Variants in TTC6 observed in about 807,000 individuals in gnomAD.
The protein encoded by TTC6 is tetratricopeptide repeat protein 6.
TTC6 carries 172 observed loss-of-function variants against 210.4 expected under a neutral mutation model. That is an observed-to-expected ratio of 0.82 (90% CI 0.72 to 0.93). The LOEUF (loss-of-function observed/expected upper bound fraction) is 0.93. Ranked by LOEUF, TTC6 falls within the 40% of genes least tolerant of loss-of-function variation. The pLI, the probability that TTC6 is intolerant of heterozygous loss-of-function variation, is 0.00. For missense variants in TTC6, 2,414 were observed against 2,318.1 expected, an observed-to-expected ratio of 1.04 and a Z score of -0.85; for synonymous variants, 804 against 819.6, an observed-to-expected ratio of 0.98 and a Z score of 0.32.
chr14:37,812,133 C>A (rs1214471277), intron 24 of TTC6, among the ~76,000 whole-genome samples, 181 bp from the exon 27 acceptor site: 1 of 152,116 alleles, frequency 6.6e-6, no homozygotes, highest in Admixed American at 6.5e-5. Context: ...TATCAAGGTC[C>A]ATCATACATT....
chr14:37,637,589 C>G (rs539578435), intron 1 of TTC6, among the ~76,000 whole-genome samples: 1 of 152,006 alleles, frequency 6.6e-6, no homozygotes. Flanking sequence ...GAGCTATGAT[C>G]GTGCCACTGC....
intron 10 of TTC6, among the ~76,000 whole-genome samples, chr14:37,740,254 A>G (rs2095915057): frequency 6.6e-6 from 1 of 152,148 alleles, no homozygotes; most frequent in South Asian, 2.1e-4. Flanking sequence ...CTTGAAAGTA[A>G]TAGTAGCCAG....
At position 37,648,011 on chromosome 14, in the gene TTC6, A is replaced by AAC. The variant is rs760462295; in HGVS notation, c.939+25023_939+25024dup. Among the ~76,000 whole-genome samples the AAC allele has an allele frequency of 3.3e-4, 50 of 151,318 alleles. 1 individual carries two copies. The highest frequency in any genetic ancestry group is 1.7e-3 in the Admixed American group (25 of 15,150). ...ATAGCGTTATAACTATAATATTACA[A>AAC]ACACACACACACACACGTTCACACC... On this transcript the variant is annotated intron_variant, in intron 1 of 30. Transcript: ENST00000553443.
At chr14:37,772,279 G>A (rs920051917) in intron 14 of TTC6, 2 of 153,908 alleles carry the variant, frequency 1.3e-5, no homozygotes, top group African/African-American at 4.8e-5. Context: ...CCTGCCCCCA[G>A]AGGTGGAGCC....
At chr14:37,748,848 ATAG>A (rs769440443) in intron 10 of TTC6, 88 bp from the exon 13 acceptor site, 10 of 1,008,154 alleles carry the variant, frequency 9.9e-6, no homozygotes, top group Non-Finnish European at 1.4e-5. Context: ...TTGATAACAA[ATAG>A]TAGTTTTATG....
chr14:37,713,184 A>G (rs1263632423), intron 5 of TTC6, among the ~76,000 whole-genome samples: 2 of 152,188 alleles, frequency 1.3e-5, no homozygotes, highest in East Asian at 1.9e-4. Context: ...ACAACTCACA[A>G]AGTCATAACT....
At chr14:37,642,932 A>G (rs1360658288) in intron 1 of TTC6, among the ~76,000 whole-genome samples, 3 of 152,252 alleles carry the variant, frequency 2.0e-5, no homozygotes, top group African/African-American at 4.8e-5. Flanking sequence ...AAAATGCAGT[A>G]TAACCTTATG....
In TTC6 at chr14:37,636,009, AAAG is replaced by A. The variant is rs757186833; in HGVS notation, c.939+13009_939+13011del. On this transcript the variant is annotated intron_variant, in intron 1 of 30. Coordinates refer to ENST00000553443, the Ensembl canonical transcript of TTC6. ...AAAAAAAAAAAAAAAAAGAAAAAAA[AAAG>A]AAAATTACCAGAGACAAACAGGACT... is the stretch of plus-strand genomic sequence containing the variant. Among the ~76,000 whole-genome samples the A allele has an allele frequency of 1.1e-3, 160 of 151,680 alleles. 2 individuals carry two copies. In the South Asian group the frequency reaches 0.019, roughly 18 times the overall value.
chr14:37,607,323 C>T (rs1252445866), intron 2 of TTC6, among the ~76,000 whole-genome samples: 2 of 152,190 alleles, frequency 1.3e-5, no homozygotes, highest in Admixed American at 1.3e-4. Flanking sequence ...ATCTTTGGTT[C>T]CTCATCTCTA....
At chr14:37,649,205 T>A (rs1282630996) in intron 1 of TTC6, among the ~76,000 whole-genome samples, 1 of 152,166 alleles carries the variant, frequency 6.6e-6, no homozygotes, top group Non-Finnish European at 1.5e-5. Flanking sequence ...CAGGCTAGTC[T>A]GGGGCCTGCT....
chr14:37,783,975 A>T (rs80320562), intron 14 of TTC6, among the ~76,000 whole-genome samples: 5,075 of 152,210 alleles, frequency 0.033, 138 homozygotes, highest in Non-Finnish European at 0.052. Context: ...TTCTAGTTTG[A>T]TTGCACTGTG....
chr14:37,635,205 G>T (rs1375308068), intron 1 of TTC6, among the ~76,000 whole-genome samples: 1 of 152,156 alleles, frequency 6.6e-6, no homozygotes, highest in Non-Finnish European at 1.5e-5. Context: ...TGGATATAAA[G>T]GGAGGTAAGG....
chr14:37,597,881 G>T lies in TTC6; in HGVS notation c.-235+1873G>T, dbSNP rs1197641758. 2.0e-5 allele frequency among the ~76,000 whole-genome samples: 3 copies of T among 152,170 alleles called. No homozygotes were observed. In the East Asian group the frequency reaches 5.8e-4, roughly 29 times the overall value. On this transcript the variant is annotated intron_variant, in intron 1 of 2. Coordinates refer to the TTC6 transcript ENST00000556845. ...AAGATGGAAGGAGAGATGGCCGTTC[G>T]TCCAGCTCCCAGCCTCTCTCCATCT...
intron 3 of TTC6, among the ~76,000 whole-genome samples, chr14:37,688,358 G>T (rs1303097188): frequency 6.6e-6 from 1 of 152,094 alleles, no homozygotes; most frequent in Non-Finnish European, 1.5e-5. Context: ...TTGCACCCGG[G>T]GTCTGAGCGA....
At chr14:37,757,771 G>A (rs2095972402) in intron 14 of TTC6, among the ~76,000 whole-genome samples, 1 of 151,964 alleles carries the variant, frequency 6.6e-6, no homozygotes, top group African/African-American at 2.4e-5. Context: ...TTTTAATTGT[G>A]ATATTAGGGT....
chr14:37,630,907 G>GTGTTTTTTTTT (rs2095668293), intron 1 of TTC6, among the ~76,000 whole-genome samples: 1 of 33,064 alleles, frequency 3.0e-5, no homozygotes. Flanking sequence ...GGCAACCCCT[G>GTGTTTTTTTTT]TTTTTTTTTT....
chr14:37,680,015 A>G (rs1041598679), intron 1 of TTC6, 136 bp from the exon 4 acceptor site: 24 of 565,346 alleles, frequency 4.2e-5, no homozygotes, highest in Non-Finnish European at 6.5e-5. Flanking sequence ...TTATTCATTT[A>G]CCATGTGTTA....
chr14:37,726,090 CT>C (rs71433921), intron 7 of TTC6, among the ~76,000 whole-genome samples: 8,650 of 150,514 alleles, frequency 0.057, 378 homozygotes, highest in Non-Finnish European at 0.09. Flanking sequence ...CTGCTTTTTC[CT>C]TTTTTTTTCT....
chr14:37,815,797 C>T (rs1458178672), intron 25 of TTC6, among the ~76,000 whole-genome samples: 1 of 152,014 alleles, frequency 6.6e-6, no homozygotes, highest in Non-Finnish European at 1.5e-5. Flanking sequence ...TATTAAATAA[C>T]AGTGGCTAAC....
Sources: gnomAD v4.1 joint callset for allele counts (sites outside exome capture counted in the v4.1 genomes callset) on GRCh38, gnomAD v4.1.1 for gene constraint, MANE v1.5 for transcripts, NCBI Gene and HGNC (gene_info 2026-07-23, HGNC 2026-07-21) for gene names.